Variants in MEGF8 observed in about 807,000 individuals in gnomAD.
The protein encoded by MEGF8 is multiple EGF like domains 8.
Under a neutral mutation model 302.9 loss-of-function variants are expected in MEGF8, and 156 were observed. The observed-to-expected ratio is 0.52, with a 90% CI of 0.45 to 0.59. The LOEUF (loss-of-function observed/expected upper bound fraction) is 0.59, where lower values mean the gene tolerates loss of function less well. Ranked by LOEUF, MEGF8 falls within the 20% of genes least tolerant of loss-of-function variation. The probability of loss-of-function intolerance (pLI) is 0.00; values close to 1 mark genes in which losing one functional copy is unlikely to be tolerated. For missense variants in MEGF8, 3,345 were observed against 3,964.5 expected, an observed-to-expected ratio of 0.84 and a Z score of 4.20; for synonymous variants, 1,621 against 1,660.5, an observed-to-expected ratio of 0.98 and a Z score of 0.58.
chr19:42,348,355 C>T lies in MEGF8; in HGVS notation c.2181C>T (p.Tyr727=). Residue 727 remains tyrosine (Y), a synonymous_variant, in exon 13 of 42, where the codon TAC becomes TAT. Coordinates refer to ENST00000251268, the MANE Select transcript of MEGF8 (RefSeq NM_001271938.2). ...CCCTGGTCTACCGTGGCTTCATCTA[C>T]CCAATGCTGCCTGGAGGGCCAGGTG... The part of the protein sequence containing the change: ...DVSLVYRGFI[Y]PMLPGGPGGP... 6.5e-7 allele frequency: 1 copy of T among 1,537,438 alleles called. No homozygotes were observed.
Position 42,376,461 on chromosome 19 carries a change from G to A in MEGF8, c.8224G>A (p.Gly2742Arg), listed in dbSNP as rs2039772273. 2 of 1,609,112 alleles carry A rather than the reference G, an allele frequency of 1.2e-6. No homozygotes were observed. The highest frequency in any genetic ancestry group is 1.7e-6 in the Non-Finnish European group (2 of 1,178,730). The change falls in exon 42 of 42, where the codon GGG becomes AGG. Residue 2742 changes from glycine to arginine, a missense_variant. Gly to Arg is a moderately radical substitution (Grantham distance 125, BLOSUM62 -2). Transcript: ENST00000251268. This position sits in a 1 kb window ranked among gnomAD's most constrained non-coding sequence, Gnocchi z 8.2. ...ACCCCTGCTGCTGACAGGGGCCGGT[G>A]GGCCCTGGGGACCCATGGGAGGGGG... The part of the protein sequence containing the change: ...LAPLLLTGAG[G>R]PWGPMGGGCC...
Position 42,376,835 on chromosome 19 carries a change from G to T in MEGF8, c.*60G>T. On this transcript the variant is annotated 3_prime_UTR_variant, in exon 42 of 42. Transcript: ENST00000251268. This position sits in a 1 kb window ranked among gnomAD's most constrained non-coding sequence, Gnocchi z 8.2. ...ACCTGATAGGGCCGCCCTGGACTTG[G>T]GGTCCCTCCACCTGGGGGCCCCTGG... is the stretch of plus-strand genomic sequence containing the variant. 7.1e-7 allele frequency: 1 copy of T among 1,408,830 alleles called. No individual in the cohort carries two copies. The highest frequency in any genetic ancestry group is 9.2e-7 in the Non-Finnish European group (1 of 1,085,462). 87.3% of individuals were successfully genotyped at this position (1,408,830 alleles called of 1,614,324 possible). A position where few individuals can be genotyped will look rare whatever the true frequency, so the allele number is the denominator to read the frequency against.
Position 42,336,331 on chromosome 19 carries a change from G to A in MEGF8, c.1229G>A (p.Arg410Gln), listed in dbSNP as rs370518508. The part of the protein sequence containing the change: ...SRALLVHGGH[R>Q]PSTARFSVRV... ...GCCCTGCTGGTCCATGGTGGACACC[G>A]GCCCTCCACTGCCCGGTAAGTGACC... is the stretch of plus-strand genomic sequence containing the variant. The change falls in exon 6 of 42, where the codon CGG becomes CAG. Residue 410 changes from arginine to glutamine, a missense_variant. Transcript: ENST00000251268. This position sits in a 1 kb window ranked among gnomAD's most constrained non-coding sequence, Gnocchi z 4.8. 1.9e-5 allele frequency: 30 copies of A among 1,598,654 alleles called. No individual in the cohort carries two copies. The highest frequency in any genetic ancestry group is 1.7e-4 in the African/African-American group (13 of 74,754).
chr19:42,326,319 C>T lies in MEGF8; in HGVS notation c.76C>T (p.Arg26Trp), dbSNP rs1213786952. Residue 26 changes from arginine to tryptophan, a missense_variant, in exon 1 of 42, where the codon CGG (arginine) becomes TGG (tryptophan). Physicochemically the swap from Arg to Trp is moderately radical, Grantham distance 101 (BLOSUM62 -3). Transcript: ENST00000251268. ...AVLGSLSPGA[R>W]AGDCKGQRQV... is the part of the protein sequence containing the mutation. ...GCTGGGGTCGCTGTCCCCTGGGGCC[C>T]GGGCGGGGGACTGCAAGGGGCAGCG... 1.9e-6 allele frequency: 3 copies of T among 1,564,950 alleles called. No homozygotes were observed. The highest frequency in any genetic ancestry group is 1.7e-6 in the Non-Finnish European group (2 of 1,162,236).
Position 42,376,321 on chromosome 19 carries a change from G to A in MEGF8, c.8084G>A (p.Arg2695His), listed in dbSNP as rs370389657. 1.9e-6 allele frequency: 3 copies of A among 1,613,658 alleles called. No individual in the cohort carries two copies. The highest frequency in any genetic ancestry group is 2.2e-5 in the East Asian group (1 of 44,876). Reference protein sequence around the residue: ...HLQEMTKMASRPFAKVTVCFP... With the variant: ...HLQEMTKMASHPFAKVTVCFP... ...CAGGAGATGACCAAGATGGCCAGCC[G>A]CCCCTTCGCCAAGGTCACCGTCTGC... Residue 2695 changes from arginine to histidine, a missense_variant, in exon 42 of 42, where the codon CGC becomes CAC. Arg to His is a conservative substitution (Grantham distance 29). Transcript: ENST00000251268. This position sits in a 1 kb window ranked among gnomAD's most constrained non-coding sequence, Gnocchi z 8.2.
intron 39 of MEGF8, 35 bp downstream of exon 39, chr19:42,370,394 G>A: frequency 6.5e-7 from 1 of 1,529,588 alleles, no homozygotes; most frequent in Non-Finnish European, 8.8e-7. Flanking sequence ...GGGTCTGAGG[G>A]AGGAGGGGCT....
At position 42,335,924 on chromosome 19, in the gene MEGF8, CT is replaced by C; in HGVS notation, c.829-6del. The stretch of plus-strand genomic sequence containing the variant: ...CTCTACCTCTGTCTCTTTTCTCTTC[CT>C]CACAGGCTGCCCGTCACTCCCATGT... On this transcript the variant is annotated splice_region_variant and splice_polypyrimidine_tract_variant and intron_variant, in intron 5 of 41. Transcript: ENST00000251268. The C allele has an allele frequency of 6.8e-7, 1 of 1,460,154 alleles. No homozygotes were observed. Among genetic ancestry groups the C allele is most frequent in the Non-Finnish European group, 9.0e-7 (1 of 1,106,282 alleles). 90.4% of individuals were successfully genotyped at this position (1,460,154 alleles called of 1,614,324 possible).
chr19:42,344,655 C>T lies in MEGF8; in HGVS notation c.1934-15C>T, dbSNP rs1422490566. The stretch of plus-strand genomic sequence containing the variant: ...TCCACACTGACCCACCGGCCCCCAC[C>T]CCCTGTCTTCTCAGAGCAGGCCCGC... On this transcript the variant is annotated splice_polypyrimidine_tract_variant and intron_variant, in intron 11 of 41. Transcript: ENST00000251268. The surrounding 1 kb of genome is among the most constrained non-coding windows in gnomAD (Gnocchi z 4.5). 2.6e-6 allele frequency: 4 copies of T among 1,563,646 alleles called. No homozygotes were observed. In the South Asian group the frequency reaches 4.7e-5, roughly 19 times the overall value.
chr19:42,338,684 C>T (rs1308600117), intron 8 of MEGF8, among the ~76,000 whole-genome samples: 3 of 152,042 alleles, frequency 2.0e-5, no homozygotes, highest in African/African-American at 7.2e-5. Context: ...TTTTCTGTTC[C>T]TGTATTAGTC....
In MEGF8 at chr19:42,359,149, G is replaced by C; in HGVS notation, c.5395G>C (p.Val1799Leu). Residue 1799 changes from valine (V) to leucine (L), a missense_variant, in exon 31 of 42, where the codon GTT becomes CTT. By Grantham distance (32) the Val-to-Leu change is conservative. Coordinates refer to ENST00000251268, the MANE Select transcript of MEGF8 (RefSeq NM_001271938.2). ...AGCCCTGTTAGGGGACACCATGGTG[G>C]TTCTTGGGGGGCGCTCGGACCCTGA... is the stretch of plus-strand genomic sequence containing the variant. ...ASALLGDTMVVLGGRSDPDEF... is the reference protein window; with the variant it reads ...ASALLGDTMVLLGGRSDPDEF... The C allele has an allele frequency of 6.3e-7, 1 of 1,597,232 alleles. No individual in the cohort carries two copies. The highest frequency in any genetic ancestry group is 1.1e-5 in the South Asian group (1 of 88,830).
chr19:42,330,383 C>T (rs2039040082), intron 1 of MEGF8, among the ~76,000 whole-genome samples: 1 of 152,146 alleles, frequency 6.6e-6, no homozygotes, highest in Admixed American at 6.6e-5. Context: ...GGTGAGCTGG[C>T]CTCCAGCAGG....
chr19:42,362,346 G>T (rs1482702965), intron 33 of MEGF8, 38 bp from the exon 34 acceptor site: 2 of 1,612,922 alleles, frequency 1.2e-6, no homozygotes, highest in Non-Finnish European at 1.7e-6. Flanking sequence ...CTCAGGAGGG[G>T]TGCTGAGGGT....
rs1355969021 is a variant in MEGF8 at position 42,369,061 on chromosome 19, C to G, written c.6641+59C>G. On this transcript the variant is annotated intron_variant, in intron 37 of 41. Transcript: ENST00000251268. The surrounding 1 kb of genome is among the most constrained non-coding windows in gnomAD (Gnocchi z 5.7). ...CTAGGGTGGGAGAGTCTGTGGGGAG[C>G]AGTAATGGATGAGGCCTAGAGCCAA... 35 of 1,588,972 alleles carry G rather than the reference C, an allele frequency of 2.2e-5. No homozygotes were observed. Among genetic ancestry groups the G allele is most frequent in the Non-Finnish European group, 2.8e-5 (33 of 1,170,554 alleles).
In MEGF8 at chr19:42,335,920, C is replaced by A; in HGVS notation, c.829-11C>A. ...GTGTCTCTACCTCTGTCTCTTTTCTCTTCCTCACAGGCTGCCCGTCACTCC... is the reference window on the plus strand; with the variant it reads ...GTGTCTCTACCTCTGTCTCTTTTCTATTCCTCACAGGCTGCCCGTCACTCC... On this transcript the variant is annotated splice_polypyrimidine_tract_variant and intron_variant, in intron 5 of 41. Transcript: ENST00000251268. 6.9e-7 allele frequency: 1 copy of A among 1,455,986 alleles called. No individual in the cohort carries two copies. Among genetic ancestry groups the A allele is most frequent in the Non-Finnish European group, 9.1e-7 (1 of 1,104,802 alleles). 90.2% of individuals were successfully genotyped at this position (1,455,986 alleles called of 1,614,324 possible). A position where few individuals can be genotyped will look rare whatever the true frequency, so the allele number is the denominator to read the frequency against.
chr19:42,342,068 C>T (rs2039222844), intron 8 of MEGF8, among the ~76,000 whole-genome samples: 1 of 152,212 alleles, frequency 6.6e-6, no homozygotes, highest in Non-Finnish European at 1.5e-5. Flanking sequence ...GTGTGACCAT[C>T]AGGAATAAAG....
chr19:42,335,423 C>G, intron 5 of MEGF8, 38 bp downstream of exon 5: 4 of 1,596,634 alleles, frequency 2.5e-6, no homozygotes, highest in Non-Finnish European at 3.4e-6. Flanking sequence ...AGCCTTTCCA[C>G]TCAATCAGAC....
Position 42,376,609 on chromosome 19 carries a change from C to T in MEGF8, c.8372C>T (p.Pro2791Leu), listed in dbSNP as rs1400317472. The change falls in exon 42 of 42, where the codon CCC becomes CTC. Residue 2791 changes from proline to leucine, a missense_variant. Transcript: ENST00000251268. The surrounding 1 kb of genome is among the most constrained non-coding windows in gnomAD (Gnocchi z 8.2). ...CTGCTGCTCCAGCTGCCTGGCGGGC[C>T]CCATGCACCCAACGGCGCCTGCCTG... The part of the protein sequence containing the change: ...ATLLLQLPGG[P>L]HAPNGACLGS... The T allele has an allele frequency of 1.9e-6, 3 of 1,547,218 alleles. No homozygotes were observed. Among genetic ancestry groups the T allele is most frequent in the Non-Finnish European group, 1.7e-6 (2 of 1,148,932 alleles).
Position 42,358,204 on chromosome 19 carries a change from G to T in MEGF8, c.5072G>T (p.Gly1691Val), listed in dbSNP as rs1568570406. Residue 1691 changes from glycine (G) to valine (V), a missense_variant, in exon 29 of 42, where the codon GGG becomes GTG. By Grantham distance (109) the Gly-to-Val change is moderately radical. Transcript: ENST00000251268. This position sits in a 1 kb window ranked among gnomAD's most constrained non-coding sequence, Gnocchi z 4.4. ...ACCGACTCCCTCTACGTGTTTGGGG[G>T]GTTCCGATTCCATGTGGAGCTGGCG... ...EATDSLYVFG[G>V]FRFHVELAAP... 6.2e-7 allele frequency: 1 copy of T among 1,603,478 alleles called. No individual in the cohort carries two copies. Among genetic ancestry groups the T allele is most frequent in the Non-Finnish European group, 8.5e-7 (1 of 1,175,470 alleles).
In MEGF8 at chr19:42,363,207, C is replaced by G; in HGVS notation, c.6218C>G (p.Ser2073Cys). The G allele has an allele frequency of 1.2e-6, 2 of 1,611,492 alleles. No homozygotes were observed. Among genetic ancestry groups the G allele is most frequent in the Non-Finnish European group, 1.7e-6 (2 of 1,178,922 alleles). ...LLPNCTSCLDSKGADGGWQHC... is the reference protein window; with the variant it reads ...LLPNCTSCLDCKGADGGWQHC... The stretch of plus-strand genomic sequence containing the variant: ...CCCAACTGTACCTCCTGCCTGGACT[C>G]TAAGGGAGCAGATGGGGGCTGGCAG... The change falls in exon 35 of 42, where the codon TCT (serine) becomes TGT (cysteine). Residue 2073 changes from serine to cysteine, a missense_variant. By Grantham distance (112) the Ser-to-Cys change is moderately radical (BLOSUM62 -1). Transcript: ENST00000251268.
Sources: allele counts gnomAD v4.1 joint callset (sites outside exome capture counted in the v4.1 genomes callset), GRCh38; gene constraint gnomAD v4.1.1; non-coding constraint Gnocchi (gnomAD v3.1); transcripts MANE v1.5; gene names NCBI Gene and HGNC (gene_info 2026-07-23, HGNC 2026-07-21).